Variants in PARD3 observed in about 807,000 individuals in gnomAD.
The protein encoded by PARD3 is partitioning defective 3 homolog.
A neutral mutation model predicts 155.4 loss-of-function variants in PARD3; 75 were observed. That is an observed-to-expected ratio of 0.48 (90% CI 0.40 to 0.58). The LOEUF (loss-of-function observed/expected upper bound fraction) is 0.58, where lower values mean the gene tolerates loss of function less well. PARD3 is among the 20% of genes least tolerant of loss of function. The probability of loss-of-function intolerance (pLI) is 0.00; values close to 1 mark genes in which losing one functional copy is unlikely to be tolerated. For missense variants in PARD3, 1,642 were observed against 1,721.7 expected (o/e 0.95, Z 0.82); for synonymous variants, 576 against 610.5 (o/e 0.94, Z 0.83).
At chr10:34,693,424 A>G (rs891308747) in intron 2 of PARD3, among the ~76,000 whole-genome samples, 21 of 152,236 alleles carry the variant, frequency 1.4e-4, no homozygotes, top group Admixed American at 9.8e-4. Flanking sequence ...CAGCCATAAA[A>G]AATAACAAGG....
chr10:34,764,244 T>A (rs1225986417), intron 1 of PARD3, among the ~76,000 whole-genome samples: 1 of 152,210 alleles, frequency 6.6e-6, no homozygotes, highest in Non-Finnish European at 1.5e-5. Flanking sequence ...TAGGATTTCT[T>A]TGAAACTTCT....
intron 22 of PARD3, among the ~76,000 whole-genome samples, chr10:34,245,410 T>C (rs908808520): frequency 6.6e-6 from 1 of 152,026 alleles, no homozygotes; most frequent in Non-Finnish European, 1.5e-5. Context: ...GCCAAGTAAG[T>C]TGGACTTGAT....
chr10:34,731,888 T>A (rs962217141), intron 1 of PARD3, among the ~76,000 whole-genome samples: 3 of 152,176 alleles, frequency 2.0e-5, no homozygotes, highest in African/African-American at 7.2e-5. Context: ...GAGACAAGTA[T>A]AATGAGAAAT....
chr10:34,416,930 T>C (rs964431048), intron 5 of PARD3, among the ~76,000 whole-genome samples: 2 of 152,234 alleles, frequency 1.3e-5, no homozygotes, highest in African/African-American at 2.4e-5. Flanking sequence ...TTCCTGGCCA[T>C]AGGCCAAGCT....
intron 2 of PARD3, among the ~76,000 whole-genome samples, chr10:34,528,527 G>GGTTTT (rs553436342): frequency 0.011 from 1,629 of 152,154 alleles, 16 homozygotes; most frequent in South Asian, 0.03. Flanking sequence ...AGTAGTGATA[G>GGTTTT]GTTTTGTTTT....
chr10:34,392,031 C>T (rs1842912593), intron 7 of PARD3, among the ~76,000 whole-genome samples: 1 of 152,082 alleles, frequency 6.6e-6, no homozygotes, highest in African/African-American at 2.4e-5. Flanking sequence ...GTGGTGTGTG[C>T]CTGTGGTCGC....
At chr10:34,633,620 C>T (rs2092359968) in intron 2 of PARD3, among the ~76,000 whole-genome samples, 2 of 152,188 alleles carry the variant, frequency 1.3e-5, no homozygotes, top group Middle Eastern at 3.2e-3. Context: ...CTACAGTGAA[C>T]GGCGCTGCAA....
intron 2 of PARD3, among the ~76,000 whole-genome samples, chr10:34,670,618 T>C (rs571066798): frequency 6.6e-6 from 1 of 152,282 alleles, no homozygotes; most frequent in Non-Finnish European, 1.5e-5. Context: ...TCTGGGCATC[T>C]ATGGGGTGGG....
intron 1 of PARD3, among the ~76,000 whole-genome samples, chr10:34,791,408 G>A (rs1183347994): frequency 3.3e-5 from 5 of 152,198 alleles, no homozygotes; most frequent in Non-Finnish European, 7.3e-5. Context: ...CCAAGCCCGG[G>A]ACCAGGCCGG....
At chr10:34,605,490 GCC>G in intron 2 of PARD3, among the ~76,000 whole-genome samples, 1 of 138,348 alleles carries the variant, frequency 7.2e-6, no homozygotes, top group African/African-American at 2.8e-5. Flanking sequence ...ACTGTGCCCT[GCC>G]AAAAATACTC....
At chr10:34,772,085 C>T (rs1838949290) in intron 1 of PARD3, among the ~76,000 whole-genome samples, 1 of 152,210 alleles carries the variant, frequency 6.6e-6, no homozygotes, top group Non-Finnish European at 1.5e-5. Context: ...GGGGTTCCTG[C>T]TTTCACTCAC....
intron 3 of PARD3, among the ~76,000 whole-genome samples, chr10:34,480,675 A>C (rs1294502472): frequency 6.6e-6 from 1 of 152,202 alleles, no homozygotes; most frequent in Admixed American, 6.5e-5. Context: ...TGGCTAAGAT[A>C]TATCAGTCAG....
At chr10:34,200,958 C>CA in intron 22 of PARD3, among the ~76,000 whole-genome samples, 1 of 152,360 alleles carries the variant, frequency 6.6e-6, no homozygotes, top group South Asian at 2.1e-4. Flanking sequence ...CCCTGCCCCC[C>CA]ACTGCCTGCC....
At chr10:34,336,518 T>C (rs928098442) in intron 17 of PARD3, among the ~76,000 whole-genome samples, 2 of 152,152 alleles carry the variant, frequency 1.3e-5, no homozygotes, top group Admixed American at 6.6e-5. Flanking sequence ...TTTTTCTTTA[T>C]GCGTATGATA....
intron 20 of PARD3, among the ~76,000 whole-genome samples, chr10:34,288,270 G>A (rs1041980305): frequency 8.5e-5 from 13 of 152,056 alleles, no homozygotes; most frequent in African/African-American, 2.7e-4. Flanking sequence ...TATGTAAAAC[G>A]TTTATAGGTC....
chr10:34,256,379 A>C (rs1190635484), intron 22 of PARD3, among the ~76,000 whole-genome samples: 2 of 152,178 alleles, frequency 1.3e-5, no homozygotes, highest in African/African-American at 4.8e-5. Flanking sequence ...TCAGGCCCCA[A>C]ACCCTGGCAA....
intron 22 of PARD3, among the ~76,000 whole-genome samples, chr10:34,189,714 C>T (rs1454441326): frequency 6.6e-6 from 1 of 152,230 alleles, no homozygotes; most frequent in Non-Finnish European, 1.5e-5. Context: ...GTGAGCTGAA[C>T]TAGCCACCTG....
chr10:34,465,056 T>C (rs1055567944), intron 4 of PARD3, among the ~76,000 whole-genome samples: 7 of 152,226 alleles, frequency 4.6e-5, no homozygotes, highest in Non-Finnish European at 7.4e-5. Context: ...AGATGACTTA[T>C]ATGACCTATT....
intron 1 of PARD3, among the ~76,000 whole-genome samples, chr10:34,774,789 A>G (rs989658113): frequency 2.6e-5 from 4 of 152,256 alleles, no homozygotes; most frequent in African/African-American, 4.8e-5. Flanking sequence ...AATCCTGCCA[A>G]GTACTAAGTG....
Sources: allele counts gnomAD v4.1 joint callset (sites outside exome capture counted in the v4.1 genomes callset), GRCh38; gene constraint gnomAD v4.1.1; transcripts MANE v1.5; gene names NCBI Gene and HGNC (gene_info 2026-07-23, HGNC 2026-07-21).